Variants in DYNC2H1 observed in about 807,000 individuals in gnomAD.
The protein encoded by DYNC2H1 is dynein cytoplasmic 2 heavy chain 1, also known as cytoplasmic dynein 2 heavy chain 1.
DYNC2H1 carries 410 observed loss-of-function variants against 570.0 expected under a neutral mutation model. That is an observed-to-expected ratio of 0.72 (90% CI 0.66 to 0.78). The LOEUF (loss-of-function observed/expected upper bound fraction) is 0.78. Ranked by LOEUF, DYNC2H1 falls within the 30% of genes least tolerant of loss-of-function variation. The pLI, the probability that DYNC2H1 is intolerant of heterozygous loss-of-function variation, is 0.00. For missense variants in DYNC2H1, 4,865 were observed against 5,046.4 expected, an observed-to-expected ratio of 0.96 and a Z score of 1.09; for synonymous variants, 1,688 against 1,677.6, an observed-to-expected ratio of 1.01 and a Z score of -0.15.
intron 17 of DYNC2H1, among the ~76,000 whole-genome samples, chr11:103,141,625 C>G (rs1308500032): frequency 1.3e-5 from 2 of 152,218 alleles, no homozygotes; most frequent in East Asian, 1.9e-4. Context: ...TGGGGGGTGC[C>G]TCCCAGTTAG....
intron 70 of DYNC2H1, among the ~76,000 whole-genome samples, chr11:103,263,330 T>A (rs960636519): frequency 6.6e-6 from 1 of 151,410 alleles, no homozygotes; most frequent in Admixed American, 6.6e-5. Flanking sequence ...TATTCAGGAG[T>A]CGAACTCAGC....
At chr11:103,476,661 GGAAT>G (rs1317105136) in intron 88 of DYNC2H1, among the ~76,000 whole-genome samples, 2 of 152,102 alleles carry the variant, frequency 1.3e-5, no homozygotes, top group East Asian at 1.9e-4. Context: ...AAGAATGTTA[GGAAT>G]GAATAATTTT....
chr11:103,359,140 C>T (rs1940508524), intron 83 of DYNC2H1, among the ~76,000 whole-genome samples: 1 of 152,196 alleles, frequency 6.6e-6, no homozygotes, highest in South Asian at 2.1e-4. Context: ...CTGCCTACTT[C>T]TGAATTTGCA....
At chr11:103,407,160 G>T (rs541834468) in intron 84 of DYNC2H1, 7 of 151,656 alleles carry the variant, frequency 4.6e-5, no homozygotes, top group Non-Finnish European at 1.0e-4. Context: ...GTCCAGATGA[G>T]AAATTAGTAT....
Position 103,201,154 on chromosome 11 carries a change from T to G in DYNC2H1, c.8197+1000T>G, listed in dbSNP as rs368724975. Among the ~76,000 whole-genome samples the G allele has an allele frequency of 2.8e-4, 42 of 152,172 alleles. No individual in the cohort carries two copies. The highest frequency in any genetic ancestry group is 9.9e-4 in the African/African-American group (41 of 41,546). ...TAATCTTGTTTTTTAAAAGAAGAAA[T>G]TAAAATTATTTTTAAGGAAAAAAGG... On this transcript the variant is annotated intron_variant, in intron 50 of 88. Transcript: ENST00000375735. This position sits in a 1 kb window ranked among gnomAD's most constrained non-coding sequence, Gnocchi z 4.8.
intron 40 of DYNC2H1, among the ~76,000 whole-genome samples, chr11:103,182,340 A>G (rs1319739389): frequency 2.0e-5 from 3 of 151,294 alleles, no homozygotes; most frequent in Non-Finnish European, 4.4e-5. Flanking sequence ...TATGATATAT[A>G]TAAGGTTAAA....
intron 28 of DYNC2H1, 42 bp from the exon 29 acceptor site, chr11:103,160,890 C>G: frequency 8.5e-7 from 1 of 1,173,326 alleles, no homozygotes; most frequent in Non-Finnish European, 1.2e-6. Flanking sequence ...ATAATTATGT[C>G]TTTAATCCTT....
chr11:103,156,738 G>C lies in DYNC2H1; in HGVS notation c.4095G>C (p.Gln1365His). The change falls in exon 26 of 89, where the codon CAG becomes CAC. Residue 1365 changes from glutamine to histidine, a missense_variant. Transcript: ENST00000375735. Reference protein sequence around the residue: ...IFGRGALPKEQTRFNRVDEDF... With the variant: ...IFGRGALPKEHTRFNRVDEDF... ...GCCGTGGAGCATTGCCAAAAGAACA[G>C]ACACGCTTCAACAGAGTTGATGAAG... 5.0e-6 allele frequency: 8 copies of C among 1,612,800 alleles called. No homozygotes were observed. Among genetic ancestry groups the C allele is most frequent in the Non-Finnish European group, 6.8e-6 (8 of 1,179,574 alleles).
rs1396171940 is a variant in DYNC2H1, at chr11:103,334,760, A to T, written c.12039+10770A>T. The stretch of plus-strand genomic sequence containing the variant: ...TTAAAGTAGAGAGGATTTTTGTTTC[A>T]TGATAGAATTGACTGCTTGTAGAAC... On this transcript the variant is annotated intron_variant, in intron 82 of 88. Coordinates refer to ENST00000375735, the MANE Select transcript of DYNC2H1 (RefSeq NM_001377.3). This position sits in a 1 kb window ranked among gnomAD's most constrained non-coding sequence, Gnocchi z 4.3. 6.6e-6 allele frequency among the ~76,000 whole-genome samples: 1 copy of T among 152,092 alleles called. No homozygotes were observed. Among genetic ancestry groups the T allele is most frequent in the Admixed American group, 6.5e-5 (1 of 15,282 alleles).
At chr11:103,267,573 C>T (rs565646734) in intron 70 of DYNC2H1, among the ~76,000 whole-genome samples, 1 of 151,998 alleles carries the variant, frequency 6.6e-6, no homozygotes, top group South Asian at 2.1e-4. Flanking sequence ...TATAGATATC[C>T]TGTTTTGTCT....
At chr11:103,272,507 G>A (rs1187742913) in intron 70 of DYNC2H1, among the ~76,000 whole-genome samples, 1 of 152,062 alleles carries the variant, frequency 6.6e-6, no homozygotes, top group Non-Finnish European at 1.5e-5. Flanking sequence ...TACCAACATG[G>A]CACATGTATA....
Position 103,188,646 on chromosome 11 carries a change from A to G in DYNC2H1, c.7290A>G (p.Ile2430Met), listed in dbSNP as rs1266689858. Residue 2430 changes from isoleucine to methionine, a missense_variant and splice_region_variant, in exon 44 of 89, where the codon ATA becomes ATG. Coordinates refer to ENST00000375735, the MANE Select transcript of DYNC2H1 (RefSeq NM_001377.3). The stretch of plus-strand genomic sequence containing the variant: ...CTTCCATCGTTCGTCTTTGTTCTAT[A>G]GAGTATGTATCTTTGTGTTTCAGAT... ...RFTSIVRLCS[I>M]DYPEREQLQT... 1.3e-6 allele frequency: 2 copies of G among 1,592,618 alleles called. No homozygotes were observed. Among genetic ancestry groups the G allele is most frequent in the Admixed American group, 1.7e-5 (1 of 58,792 alleles).
rs780717197 is a variant in DYNC2H1, at chr11:103,253,306, T to C, written c.10064T>C (p.Ile3355Thr). The C allele has an allele frequency of 1.2e-6, 2 of 1,613,120 alleles. No individual in the cohort carries two copies. The highest frequency in any genetic ancestry group is 3.3e-5 in the Admixed American group (2 of 59,976). ...ATAGGACCACGTTATGTGGTACAAA[T>C]AGGTGACAAAATTATTGACTACAAT... Reference protein sequence around the residue: ...VAQGPRYVVQIGDKIIDYNEE... With the variant: ...VAQGPRYVVQTGDKIIDYNEE... The change falls in exon 66 of 89, where the codon ATA (isoleucine) becomes ACA (threonine). Residue 3355 changes from isoleucine (I) to threonine (T), a missense_variant. Ile to Thr is a moderately conservative substitution (Grantham distance 89, BLOSUM62 -1). Coordinates refer to ENST00000375735, the MANE Select transcript of DYNC2H1 (RefSeq NM_001377.3).
At chr11:103,202,600 G>A (rs1173332661) in intron 50 of DYNC2H1, among the ~76,000 whole-genome samples, 1 of 151,410 alleles carries the variant, frequency 6.6e-6, no homozygotes, top group Non-Finnish European at 1.5e-5. Flanking sequence ...GTGTGCATGT[G>A]TTCAAGTATG....
rs1013732856 is a variant in DYNC2H1, at chr11:103,277,436, C to T, written c.10696-2912C>T. 2.6e-5 allele frequency among the ~76,000 whole-genome samples: 4 copies of T among 152,002 alleles called. No individual in the cohort carries two copies. Among genetic ancestry groups the T allele is most frequent in the Admixed American group, 6.6e-5 (1 of 15,264 alleles). On this transcript the variant is annotated intron_variant, in intron 70 of 88. Transcript: ENST00000375735. The surrounding 1 kb of genome is among the most constrained non-coding windows in gnomAD (Gnocchi z 4.3). Reference sequence around the variant, plus strand: ...CTCCTTCATCTGCCTTTTTCAGAAGCGCTGTATACTTCTGGGATGTTTAGT... The same window carrying T: ...CTCCTTCATCTGCCTTTTTCAGAAGTGCTGTATACTTCTGGGATGTTTAGT...
chr11:103,158,919 T>C lies in DYNC2H1; in HGVS notation c.4270T>C (p.Ser1424Pro). Residue 1424 changes from serine (S) to proline (P), a missense_variant, in exon 28 of 89, where the codon TCA becomes CCA. This residue lies in a region of DYNC2H1 where 1,936 missense variants were observed against 1,962.1 expected (regional missense o/e 0.99). Transcript: ENST00000375735. ...SLNEFLEEKR[S>P]AFPRFYFIGD... ...TTTCTATTTTTATTAGGAAAAACGC[T>C]CAGCATTCCCAAGATTTTATTTTAT... 6.2e-7 allele frequency: 1 copy of C among 1,607,956 alleles called. No individual in the cohort carries two copies. Among genetic ancestry groups the C allele is most frequent in the Non-Finnish European group, 8.5e-7 (1 of 1,178,256 alleles).
rs652253 is a variant in DYNC2H1 at position 103,222,761 on chromosome 11, A to T, written c.9232-204A>T. 0.76 allele frequency among the ~76,000 whole-genome samples: 115,100 copies of T among 152,134 alleles called. 44,070 individuals are homozygous for T. Among genetic ancestry groups the T allele is most frequent in the Admixed American group, 0.83 (12,755 of 15,280 alleles). ...TTAAAGATTCTGTGTGGTTCAAAAA[A>T]TTTATTTTTAAGTGAAAATAGAGTT... On this transcript the variant is annotated intron_variant, in intron 58 of 88. Transcript: ENST00000375735.
intron 83 of DYNC2H1, among the ~76,000 whole-genome samples, chr11:103,371,576 C>T (rs2135555082): frequency 6.6e-6 from 1 of 152,242 alleles, no homozygotes; most frequent in Non-Finnish European, 1.5e-5. Flanking sequence ...AAACAAGTAA[C>T]ATACAATGGA....
rs372796223 is a variant in DYNC2H1 at position 103,189,659 on chromosome 11, C to G, written c.7293-13C>G. 2 of 1,609,688 alleles carry G rather than the reference C, an allele frequency of 1.2e-6. No homozygotes were observed. Among genetic ancestry groups the G allele is most frequent in the African/African-American group, 1.3e-5 (1 of 74,832 alleles). On this transcript the variant is annotated splice_polypyrimidine_tract_variant and intron_variant, in intron 44 of 88. Transcript: ENST00000375735. This position sits in a 1 kb window ranked among gnomAD's most constrained non-coding sequence, Gnocchi z 4.3. ...TTTATTTCAGCTTTCTTCTTATATG[C>G]CATTTTTTTTAGTTACCCAGAAAGA...
Sources: gnomAD v4.1 joint callset for allele counts (sites outside exome capture counted in the v4.1 genomes callset) on GRCh38, gnomAD v4.1.1 for gene constraint, gnomAD v4.1.1 regional missense constraint, Gnocchi (gnomAD v3.1) non-coding constraint, MANE v1.5 for transcripts, NCBI Gene and HGNC (gene_info 2026-07-23, HGNC 2026-07-21) for gene names.